The following DLGAP2 variants were observed in gnomAD, a reference collection of about 807,000 sequenced individuals.
DLGAP2 encodes disks large-associated protein 2.
In DLGAP2, 26 loss-of-function variants were observed where a neutral mutation model predicts 100.3. The observed-to-expected ratio is 0.26, with a 90% CI of 0.19 to 0.36. DLGAP2 has a LOEUF of 0.36. Ranked by LOEUF, DLGAP2 falls within the 10% of genes least tolerant of loss-of-function variation. The probability of loss-of-function intolerance (pLI) is 1.00; values close to 1 mark genes in which losing one functional copy is unlikely to be tolerated. For missense variants in DLGAP2, 1,858 were observed against 1,453.2 expected (o/e 1.28, Z -4.53); for synonymous variants, 886 against 630.1 (o/e 1.41, Z -6.08).
At chr8:1,580,987 G>A (rs1428248761) in intron 6 of DLGAP2, among the ~76,000 whole-genome samples, 1 of 148,154 alleles carries the variant, frequency 6.7e-6, no homozygotes, top group Non-Finnish European at 1.5e-5. Flanking sequence ...TACCAGAAGT[G>A]AAGGATACAG....
chr8:1,556,619 G>C (rs966859117), intron 5 of DLGAP2, among the ~76,000 whole-genome samples: 1 of 152,206 alleles, frequency 6.6e-6, no homozygotes, highest in Non-Finnish European at 1.5e-5. Context: ...AGCAGGACTA[G>C]GAGCTGTTGG....
chr8:1,104,119 G>A (rs1001022016), intron 2 of DLGAP2, among the ~76,000 whole-genome samples: 2 of 152,328 alleles, frequency 1.3e-5, no homozygotes, highest in Admixed American at 6.5e-5. Context: ...CAAGGCAGAG[G>A]GAGCCATGGG....
Position 1,466,533 on chromosome 8 carries a change from G to GTGTGTGTGTA in DLGAP2, c.107-34824_107-34823insATGTGTGTGT, listed in dbSNP as rs1554477202. 5.3e-3 allele frequency among the ~76,000 whole-genome samples: 793 copies of GTGTGTGTGTA among 149,414 alleles called. 9 individuals carry two copies. Among genetic ancestry groups the GTGTGTGTGTA allele is most frequent in the African/African-American group, 0.018 (762 of 41,410 alleles). On this transcript the variant is annotated intron_variant, in intron 3 of 14. Coordinates refer to ENST00000637795, the MANE Select transcript of DLGAP2 (RefSeq NM_001346810.2). Reference sequence around the variant, plus strand: ...TCCAGACATCTCAATTTGTGTGTGTGTGTGTGTGTGTATGTGTGTGTGTCT... The same window carrying GTGTGTGTGTA: ...TCCAGACATCTCAATTTGTGTGTGTGTGTGTGTGTATGTGTGTGTGTATGTGTGTGTGTCT...
At position 1,072,421 on chromosome 8, in the gene DLGAP2, A is replaced by G. The variant is rs978195860; in HGVS notation, c.73+164455A>G. ...ATGAGTTTGATTTGTAGAAATCTTT[A>G]CTGGGTGTCCTCCAATGTAAGAATG... is the stretch of plus-strand genomic sequence containing the variant. On this transcript the variant is annotated intron_variant, in intron 2 of 14. Transcript: ENST00000637795. Among the ~76,000 whole-genome samples, 5 of 152,210 alleles carry G rather than the reference A, an allele frequency of 3.3e-5. No homozygotes were observed. In the East Asian group the frequency reaches 5.8e-4, roughly 18 times the overall value.
chr8:853,450 T>A (rs1015704040), intron 1 of DLGAP2, among the ~76,000 whole-genome samples: 1 of 152,210 alleles, frequency 6.6e-6, no homozygotes, highest in Non-Finnish European at 1.5e-5. Flanking sequence ...GTGTGTGGTA[T>A]AAACATCATC....
chr8:1,372,019 G>A (rs1802249690), intron 3 of DLGAP2, among the ~76,000 whole-genome samples: 1 of 152,240 alleles, frequency 6.6e-6, no homozygotes, highest in Non-Finnish European at 1.5e-5. Flanking sequence ...ACTTAGTGGT[G>A]CAGCCTGCTG....
chr8:1,023,981 T>C (rs1801704833), intron 2 of DLGAP2, among the ~76,000 whole-genome samples: 1 of 151,690 alleles, frequency 6.6e-6, no homozygotes, highest in Non-Finnish European at 1.5e-5. Flanking sequence ...TTCCCCTTTT[T>C]CTCAGCCTCC....
intron 2 of DLGAP2, among the ~76,000 whole-genome samples, chr8:1,230,287 C>T (rs373787183): frequency 6.6e-6 from 1 of 152,070 alleles, no homozygotes; most frequent in Non-Finnish European, 1.5e-5. Context: ...GAATAAAATA[C>T]CTAGTAATAC....
chr8:1,375,986 TAAC>T (rs1362879363), intron 3 of DLGAP2, among the ~76,000 whole-genome samples: 1 of 11,364 alleles, frequency 8.8e-5, no homozygotes, highest in African/African-American at 4.8e-4. Context: ...ACATTTGGGT[TAAC>T]GACCCCTCTC....
At chr8:942,077 G>C (rs568281167) in intron 2 of DLGAP2, among the ~76,000 whole-genome samples, 1 of 152,172 alleles carries the variant, frequency 6.6e-6, no homozygotes, top group East Asian at 1.9e-4. Context: ...TCCTCCTCTG[G>C]CCTCGAGTCA....
chr8:1,123,393 AC>A (rs1448061271), intron 2 of DLGAP2, among the ~76,000 whole-genome samples: 1 of 152,190 alleles, frequency 6.6e-6, no homozygotes, highest in East Asian at 1.9e-4. Flanking sequence ...TACAGCCTCC[AC>A]CCGGTCAGAA....
rs1799576544 is a variant in DLGAP2 at position 1,701,694 on chromosome 8, T to TCAGAGGA, written c.*290_*296dup. The stretch of plus-strand genomic sequence containing the variant: ...GAGACCTGATTTCTCCTGCGTGTTC[T>TCAGAGGA]CAGAGGACGGCGAGAAATGCCTCTG... On this transcript the variant is annotated 3_prime_UTR_variant, in exon 15 of 15. Transcript: ENST00000637795. 4.6e-6 allele frequency: 2 copies of TCAGAGGA among 435,808 alleles called. No individual in the cohort carries two copies. Among genetic ancestry groups the TCAGAGGA allele is most frequent in the African/African-American group, 4.1e-5 (2 of 48,706 alleles). The allele number at this position is 435,808 out of a possible 1,614,324, so 27.0% of individuals were successfully genotyped here. A position where few individuals can be genotyped will look rare whatever the true frequency, so the allele number is the denominator to read the frequency against.
intron 2 of DLGAP2, among the ~76,000 whole-genome samples, chr8:1,156,595 GCCCCAGC>G: frequency 6.7e-6 from 1 of 148,852 alleles, no homozygotes; most frequent in African/African-American, 2.5e-5. Context: ...CCAGCCCAGC[GCCCCAGC>G]CTAGCGTCCC....
intron 2 of DLGAP2, among the ~76,000 whole-genome samples, chr8:1,136,873 G>A (rs960616206): frequency 6.6e-6 from 1 of 152,192 alleles, no homozygotes; most frequent in Non-Finnish European, 1.5e-5. Flanking sequence ...AAGAGTAAAT[G>A]CTCAGAACAA....
chr8:1,280,519 C>G (rs188925822), intron 3 of DLGAP2, among the ~76,000 whole-genome samples: 31 of 152,198 alleles, frequency 2.0e-4, no homozygotes, highest in African/African-American at 7.5e-4. Flanking sequence ...GTTTGGGGGT[C>G]TATAAAGGAG....
chr8:1,484,529 G>T (rs1415758163), intron 3 of DLGAP2, among the ~76,000 whole-genome samples: 3 of 152,222 alleles, frequency 2.0e-5, no homozygotes, highest in Non-Finnish European at 2.9e-5. Flanking sequence ...GATCACGACG[G>T]CTGAGGCCTT....
chr8:1,169,949 C>T (rs1229598580), intron 2 of DLGAP2, among the ~76,000 whole-genome samples: 1 of 151,928 alleles, frequency 6.6e-6, no homozygotes, highest in East Asian at 1.9e-4. Flanking sequence ...GAGGGCATCC[C>T]TGTCTTGTGC....
chr8:1,271,331 C>T (rs1429842345), intron 3 of DLGAP2, among the ~76,000 whole-genome samples: 1 of 152,088 alleles, frequency 6.6e-6, no homozygotes, highest in South Asian at 2.1e-4. Context: ...CATTTCAATG[C>T]GATTCTGAAA....
At chr8:763,260 C>T (rs1435280543) in intron 1 of DLGAP2, among the ~76,000 whole-genome samples, 1 of 152,212 alleles carries the variant, frequency 6.6e-6, no homozygotes. Flanking sequence ...TCGCGTGCTA[C>T]TGCTGTATTT....
Sources: allele counts gnomAD v4.1 joint callset (sites outside exome capture counted in the v4.1 genomes callset), GRCh38; gene constraint gnomAD v4.1.1; transcripts MANE v1.5; gene names NCBI Gene and HGNC (gene_info 2026-07-23, HGNC 2026-07-21).